Variants in LRP6 observed in about 807,000 individuals in gnomAD.
LRP6 encodes low-density lipoprotein receptor-related protein 6.
Under a neutral mutation model 184.1 loss-of-function variants are expected in LRP6, and 43 were observed. That is an observed-to-expected ratio of 0.23 (90% CI 0.18 to 0.30). The LOEUF (loss-of-function observed/expected upper bound fraction) is 0.30, where lower values mean the gene tolerates loss of function less well. Among genes scored for constraint, LRP6 ranks in the 10% least tolerant of loss-of-function variants. LRP6 has a pLI of 1.00. For missense variants in LRP6, 1,571 were observed against 2,005.3 expected, an observed-to-expected ratio of 0.78 and a Z score of 4.14; for synonymous variants, 719 against 684.9, an observed-to-expected ratio of 1.05 and a Z score of -0.78.
At chr12:12,152,989 A>T (rs1443532671) in intron 12 of LRP6, among the ~76,000 whole-genome samples, 1 of 152,204 alleles carries the variant, frequency 6.6e-6, no homozygotes, top group Non-Finnish European at 1.5e-5. Flanking sequence ...TATCCCAATG[A>T]TCCTACTACA....
intron 2 of LRP6, among the ~76,000 whole-genome samples, chr12:12,228,026 T>G (rs1864674785): frequency 6.6e-6 from 1 of 152,224 alleles, no homozygotes; most frequent in African/African-American, 2.4e-5. Flanking sequence ...AATCCTCATT[T>G]GGCACATTTC....
At chr12:12,231,218 G>GT (rs1245766175) in intron 2 of LRP6, among the ~76,000 whole-genome samples, 1 of 127,074 alleles carries the variant, frequency 7.9e-6, no homozygotes, top group African/African-American at 2.8e-5. Flanking sequence ...AGCAGTACAT[G>GT]TTTGACCTGA....
At chr12:12,137,515 C>A (rs11054702) in intron 16 of LRP6, among the ~76,000 whole-genome samples, 10,122 of 152,078 alleles carry the variant, frequency 0.067, 442 homozygotes, top group Admixed American at 0.1. Context: ...GGGAAAAAAA[C>A]CAAGCACCTA....
rs193105047 is a variant in LRP6 at position 12,138,847 on chromosome 12, A to G, written c.3398-313T>C. ...TATATATACAACAGATAAAAATGGC[A>G]CTTCTCTGGAGGAGCAGTGGTGGTG... On this transcript the variant is annotated intron_variant, in intron 15 of 22. Transcript: ENST00000261349. The G allele has an allele frequency of 1.2e-4, 168 of 1,384,196 alleles. 1 individual carries two copies. Among genetic ancestry groups the G allele is most frequent in the Non-Finnish European group, 3.5e-5 (36 of 1,033,338 alleles). The allele number at this position is 1,384,196 out of a possible 1,614,324, so 85.7% of individuals were successfully genotyped here.
chr12:12,164,229 T>C, intron 9 of LRP6, 44 bp downstream of exon 9: 1 of 1,561,744 alleles, frequency 6.4e-7, no homozygotes, highest in Non-Finnish European at 8.8e-7. Context: ...CTAGAAGTTC[T>C]CCCTTTTAGT....
At chr12:12,217,510 C>T (rs1445142296) in intron 2 of LRP6, among the ~76,000 whole-genome samples, 1 of 152,098 alleles carries the variant, frequency 6.6e-6, no homozygotes, top group Admixed American at 6.6e-5. Flanking sequence ...CCCTCCAGCC[C>T]AGTCCGTGGA....
Position 12,158,938 on chromosome 12 carries a change from A to G in LRP6, c.2682T>C (p.Ala894=). The change falls in exon 12 of 23, where the codon GCT becomes GCC. Residue 894 remains alanine, a synonymous_variant. Coordinates refer to ENST00000261349, the MANE Select transcript of LRP6 (RefSeq NM_002336.3). ...GGTGGGAGCAGTGCCCATTGCTGGA[A>G]GCACATTCATTCCACCCTGACTGTC... ...SSRQSGWNEC[A]SSNGHCSHLC... is the part of the protein sequence containing the mutation. 6.2e-7 allele frequency: 1 copy of G among 1,614,222 alleles called. No individual in the cohort carries two copies.
intron 2 of LRP6, among the ~76,000 whole-genome samples, chr12:12,208,911 T>C (rs1373711267): frequency 6.6e-6 from 1 of 152,216 alleles, no homozygotes; most frequent in Non-Finnish European, 1.5e-5. Flanking sequence ...TATTTCCATC[T>C]TGATAGAGTA....
intron 1 of LRP6, among the ~76,000 whole-genome samples, chr12:12,265,205 A>C (rs895245455): frequency 6.6e-6 from 1 of 151,342 alleles, no homozygotes; most frequent in African/African-American, 2.4e-5. Flanking sequence ...AGAGTATGCC[A>C]ATAATAAAAT....
intron 22 of LRP6, among the ~76,000 whole-genome samples, chr12:12,122,154 T>TAA (rs1470984804): frequency 6.6e-6 from 1 of 152,224 alleles, no homozygotes. Context: ...TACACTTGTT[T>TAA]ATCTTTACAA....
At chr12:12,151,640 A>C (rs1237312527) in intron 12 of LRP6, among the ~76,000 whole-genome samples, 1 of 152,170 alleles carries the variant, frequency 6.6e-6, no homozygotes, top group East Asian at 1.9e-4. Context: ...AACGTATATG[A>C]AAATACTTTA....
At chr12:12,153,761 G>C (rs892355495) in intron 12 of LRP6, among the ~76,000 whole-genome samples, 1 of 152,110 alleles carries the variant, frequency 6.6e-6, no homozygotes, top group African/African-American at 2.4e-5. Flanking sequence ...ACCTCATCTG[G>C]TTGTCTTGAG....
intron 3 of LRP6, among the ~76,000 whole-genome samples, chr12:12,199,983 A>C (rs1311436868): frequency 6.7e-6 from 1 of 148,866 alleles, no homozygotes; most frequent in Non-Finnish European, 1.5e-5. Flanking sequence ...AAAAAAAAAA[A>C]AAAAAAAAAA....
intron 15 of LRP6, among the ~76,000 whole-genome samples, chr12:12,140,189 T>C (rs907090204): frequency 1.2e-4 from 18 of 148,086 alleles, no homozygotes; most frequent in African/African-American, 4.0e-4. Context: ...AACAAATAAA[T>C]ACCAATTAAA....
At position 12,248,630 on chromosome 12, in the gene LRP6, C is replaced by A. The variant is rs1167595120; in HGVS notation, c.56-3975G>T. Among the ~76,000 whole-genome samples the A allele has an allele frequency of 3.3e-5, 5 of 151,736 alleles. No individual in the cohort carries two copies. In the East Asian group the frequency reaches 7.8e-4, roughly 24 times the overall value. The stretch of plus-strand genomic sequence containing the variant: ...CCGAGTAGCTGGGACTACAGGCGCC[C>A]GCCACTACGCCCAGCTAATTTTTGT... On this transcript the variant is annotated intron_variant, in intron 1 of 22. Coordinates refer to ENST00000261349, the MANE Select transcript of LRP6 (RefSeq NM_002336.3).
intron 2 of LRP6, among the ~76,000 whole-genome samples, chr12:12,231,682 G>GTT (rs962853785): frequency 1.4e-5 from 2 of 147,248 alleles, no homozygotes; most frequent in African/African-American, 5.0e-5. Flanking sequence ...CCAGGAAACG[G>GTT]TTTTTTTTTT....
rs1476954494 is a variant in LRP6, at chr12:12,244,394, C to G, written c.317G>C (p.Gly106Ala). ...SPDGLACDWLGEKLYWTDSET... is the reference protein window; with the variant it reads ...SPDGLACDWLAEKLYWTDSET... Reference sequence around the variant, plus strand: ...AGAATCTGTCCAGTACAATTTTTCTCCAAGCCAATCACATGCCAGCCCATC... The same window carrying G: ...AGAATCTGTCCAGTACAATTTTTCTGCAAGCCAATCACATGCCAGCCCATC... Residue 106 changes from glycine to alanine, a missense_variant, in exon 2 of 23, where the codon GGA becomes GCA. Coordinates refer to ENST00000261349, the MANE Select transcript of LRP6 (RefSeq NM_002336.3). 23 of 1,614,198 alleles carry G rather than the reference C, an allele frequency of 1.4e-5. No homozygotes were observed. The highest frequency in any genetic ancestry group is 1.8e-5 in the Non-Finnish European group (21 of 1,180,034).
At chr12:12,218,635 C>T (rs1048939602) in intron 2 of LRP6, among the ~76,000 whole-genome samples, 5 of 151,864 alleles carry the variant, frequency 3.3e-5, no homozygotes, top group Admixed American at 3.3e-4. Context: ...ATAAGACATG[C>T]CTATACACCC....
chr12:12,145,618 C>CT (rs1183086457), intron 15 of LRP6, among the ~76,000 whole-genome samples: 1 of 80,510 alleles, frequency 1.2e-5, no homozygotes, highest in Non-Finnish European at 2.3e-5. Flanking sequence ...TTTCTTTTTT[C>CT]TTTTTCTTTT....
Sources: gnomAD v4.1 joint callset for allele counts (sites outside exome capture counted in the v4.1 genomes callset) on GRCh38, gnomAD v4.1.1 for gene constraint, MANE v1.5 for transcripts, NCBI Gene and HGNC (gene_info 2026-07-23, HGNC 2026-07-21) for gene names.